The following DCTN1 variants were observed in gnomAD, a reference collection of about 807,000 sequenced individuals.
DCTN1 encodes 150 kDa dynein-associated polypeptide.
Under a neutral mutation model 161.2 loss-of-function variants are expected in DCTN1, and 61 were observed. The ratio of observed to expected loss-of-function variants is 0.38; its 90% CI spans 0.31 to 0.47. DCTN1 has a LOEUF of 0.47. Among genes scored for constraint, DCTN1 ranks in the 20% least tolerant of loss-of-function variants. The pLI is 0.99. For missense variants in DCTN1, 1,404 were observed against 1,623.7 expected (o/e 0.86, Z 2.33); for synonymous variants, 653 against 632.4 (o/e 1.03, Z -0.49).
chr2:74,387,109 T>G (rs1458445545), intron 1 of DCTN1: 8 of 152,306 alleles, frequency 5.3e-5, no homozygotes, highest in Non-Finnish European at 1.5e-5. Context: ...CCACTGAAGC[T>G]GCTCACACTT....
chr2:74,373,199 C>A, intron 6 of DCTN1: 1 of 567,930 alleles, frequency 1.8e-6, no homozygotes, highest in Non-Finnish European at 3.2e-6. Flanking sequence ...AGGCCTCACC[C>A]CTTCAGACAC....
chr2:74,377,940 A>C, intron 2 of DCTN1, 60 bp downstream of exon 2: 1 of 1,608,418 alleles, frequency 6.2e-7, no homozygotes, highest in Non-Finnish European at 8.5e-7. Flanking sequence ...CCAACACATC[A>C]GCTGCACATG....
At position 74,377,641 on chromosome 2, in the gene DCTN1, T is replaced by C; in HGVS notation, c.358+7A>G. The C allele has an allele frequency of 6.2e-7, 1 of 1,613,308 alleles. No homozygotes were observed. The highest frequency in any genetic ancestry group is 8.5e-7 in the Non-Finnish European group (1 of 1,179,224). On this transcript the variant is annotated splice_region_variant and intron_variant, in intron 3 of 31. Transcript: ENST00000628224. Reference sequence around the variant, plus strand: ...TGGGGAGGCAACTTTAAGTGGGTGGTTGTTACCTCTTTTGAGGACTTTTGA... The same window carrying C: ...TGGGGAGGCAACTTTAAGTGGGTGGCTGTTACCTCTTTTGAGGACTTTTGA...
chr2:74,374,432 G>A (rs891313145), intron 5 of DCTN1, 92 bp from the exon 6 acceptor site: 8 of 1,594,250 alleles, frequency 5.0e-6, no homozygotes, highest in Middle Eastern at 1.7e-4. Flanking sequence ...AAGGACAGAC[G>A]AAGGGAGGGA....
chr2:74,368,825 G>A lies in DCTN1; in HGVS notation c.1757C>T (p.Ser586Phe). 1 of 1,614,284 alleles carries A rather than the reference G, an allele frequency of 6.2e-7. No homozygotes were observed. Among genetic ancestry groups the A allele is most frequent in the Non-Finnish European group, 8.5e-7 (1 of 1,180,056 alleles). ...MEVAQANRHMSLLTAFMPDSF... is the reference protein window; with the variant it reads ...MEVAQANRHMFLLTAFMPDSF... ...GTCAGGCATGAAGGCTGTCAGCAGG[G>A]ACATGTGTCGATTGGCCTGGGCCAC... The change falls in exon 16 of 32, where the codon TCC becomes TTC. Residue 586 changes from serine to phenylalanine, a missense_variant. Transcript: ENST00000628224.
intron 1 of DCTN1, among the ~76,000 whole-genome samples, chr2:74,389,832 A>C (rs954017666): frequency 3.3e-5 from 5 of 152,220 alleles, no homozygotes; most frequent in African/African-American, 1.2e-4. Flanking sequence ...ACATAAATAT[A>C]AGGCATTATT....
intron 1 of DCTN1, among the ~76,000 whole-genome samples, chr2:74,387,516 AG>A (rs1417890064): frequency 3.3e-5 from 5 of 152,180 alleles, no homozygotes; most frequent in Non-Finnish European, 5.9e-5. Context: ...AACAAAAAAA[AG>A]TTCTTCTTCT....
rs558269440 is a variant in DCTN1 at position 74,363,446 on chromosome 2, A to G, written c.3212-19T>C. ...ATGGCTCCTGTGGGGACCATAAAAA[A>G]TCTCATCAGCCCCAAGTGGAAAGGG... On this transcript the variant is annotated intron_variant, in intron 27 of 31. Coordinates refer to ENST00000628224, the MANE Select transcript of DCTN1 (RefSeq NM_004082.5). 1 of 1,611,370 alleles carries G rather than the reference A, an allele frequency of 6.2e-7. No individual in the cohort carries two copies. Among genetic ancestry groups the G allele is most frequent in the African/African-American group, 1.3e-5 (1 of 74,904 alleles).
At chr2:74,374,508 T>G in intron 5 of DCTN1, 168 bp from the exon 6 acceptor site, 1 of 1,466,436 alleles carries the variant, frequency 6.8e-7, no homozygotes, top group East Asian at 2.7e-5. Context: ...ATCCCAACAA[T>G]GCAGTCTCAG....
intron 5 of DCTN1, among the ~76,000 whole-genome samples, chr2:74,376,070 A>T (rs1479717774): frequency 2.0e-5 from 3 of 152,156 alleles, no homozygotes; most frequent in African/African-American, 7.2e-5. Flanking sequence ...CTAAGAGTTT[A>T]AAGAGTCTAT....
At chr2:74,376,489 G>C (rs1675230823) in intron 5 of DCTN1, among the ~76,000 whole-genome samples, 3 of 152,346 alleles carry the variant, frequency 2.0e-5, no homozygotes, top group Admixed American at 2.0e-4. Context: ...TATAGTTTTT[G>C]ATTGGGGAAT....
chr2:74,387,083 C>CAT (rs1675764917), intron 1 of DCTN1: 1 of 152,306 alleles, frequency 6.6e-6, no homozygotes, highest in Non-Finnish European at 1.5e-5. Context: ...TGCTATCTGG[C>CAT]TCCATCCCTA....
chr2:74,361,314 A>C lies in DCTN1; in HGVS notation c.*185T>G. The C allele has an allele frequency of 2.9e-4, 216 of 753,058 alleles. No individual in the cohort carries two copies. Among genetic ancestry groups the C allele is most frequent in the Middle Eastern group, 1.8e-3 (5 of 2,720 alleles). 46.6% of individuals were successfully genotyped at this position (753,058 alleles called of 1,614,324 possible). A position where few individuals can be genotyped will look rare whatever the true frequency, so the allele number is the denominator to read the frequency against. On this transcript the variant is annotated 3_prime_UTR_variant, in exon 32 of 32. Transcript: ENST00000628224. ...AACAAATTATGGCAGAGGCCAGGGA[A>C]TGGGAGTGGGGGAACCCGGGTCAAG...
In DCTN1 at chr2:74,370,524, T is replaced by C. The variant is rs1302795191; in HGVS notation, c.1069A>G (p.Ser357Gly). 2 of 1,614,184 alleles carry C rather than the reference T, an allele frequency of 1.2e-6. No individual in the cohort carries two copies. The highest frequency in any genetic ancestry group is 4.5e-5 in the East Asian group (2 of 44,886). ...TCCTCAAGCTGCTTGAGCTGATAAC[T>C]GGATGCAGCGCCATCTGAGCCTGGA... Reference protein sequence around the residue: ...EEKGSDGAASSYQLKQLEEQN... With the variant: ...EEKGSDGAASGYQLKQLEEQN... Residue 357 changes from serine to glycine, a missense_variant, in exon 11 of 32, where the codon AGT (serine) becomes GGT (glycine). Transcript: ENST00000628224. The surrounding 1 kb of genome is among the most constrained non-coding windows in gnomAD (Gnocchi z 4.4).
chr2:74,374,385 G>A lies in DCTN1; in HGVS notation c.415-45C>T, dbSNP rs776155337. The A allele has an allele frequency of 3.1e-6, 5 of 1,612,658 alleles. 1 individual carries two copies. In the South Asian group the frequency reaches 4.4e-5, roughly 14 times the overall value. On this transcript the variant is annotated intron_variant, in intron 5 of 31. Transcript: ENST00000628224. ...AACCAAAGAAAGCAAGGAGAGGAAA[G>A]AGGAGGGACAGAGGAGGATAGACAA...
chr2:74,389,753 C>T (rs1056566641), intron 1 of DCTN1, among the ~76,000 whole-genome samples: 1 of 152,200 alleles, frequency 6.6e-6, no homozygotes, highest in Non-Finnish European at 1.5e-5. Context: ...ATAACAGCTG[C>T]TCTGCCTACC....
chr2:74,363,288 C>T lies in DCTN1; in HGVS notation c.3345+6G>A. On this transcript the variant is annotated splice_donor_region_variant and intron_variant, in intron 28 of 31. Transcript: ENST00000628224. ...CCCATCCCAGTCCTCCCCGTGGCTC[C>T]CTCACCTTGAGGATGCTGTTCTCAT... 1 of 1,614,076 alleles carries T rather than the reference C, an allele frequency of 6.2e-7. No homozygotes were observed. The highest frequency in any genetic ancestry group is 1.3e-5 in the African/African-American group (1 of 75,034).
chr2:74,372,199 A>C (rs1674914739), intron 7 of DCTN1, among the ~76,000 whole-genome samples: 1 of 152,138 alleles, frequency 6.6e-6, no homozygotes, highest in Non-Finnish European at 1.5e-5. Context: ...ATTTCCACAG[A>C]AGGTTGGGCC....
upstream of DCTN1, among the ~76,000 whole-genome samples, chr2:74,383,006 C>T (rs374563156): frequency 7.9e-5 from 12 of 151,330 alleles, no homozygotes; most frequent in South Asian, 4.2e-4. Flanking sequence ...ACCCGGGAAG[C>T]GGAGCTTGCA....
Sources: gnomAD v4.1 joint callset for allele counts (sites outside exome capture counted in the v4.1 genomes callset) on GRCh38, gnomAD v4.1.1 for gene constraint, Gnocchi (gnomAD v3.1) non-coding constraint, MANE v1.5 for transcripts, NCBI Gene and HGNC (gene_info 2026-07-23, HGNC 2026-07-21) for gene names.